The following FBXO44 variants were observed in gnomAD, a reference collection of about 807,000 sequenced individuals.
The protein encoded by FBXO44 is F-box only protein 44.
FBXO44 carries 25 observed loss-of-function variants against 33.5 expected under a neutral mutation model. The observed-to-expected ratio is 0.75, with a 90% CI of 0.54 to 1.04. The LOEUF (loss-of-function observed/expected upper bound fraction) is 1.04, where lower values mean the gene tolerates loss of function less well. Among genes scored for constraint, FBXO44 ranks in the 50% least tolerant of loss-of-function variants. FBXO44 has a pLI of 0.00. For missense variants in FBXO44, 311 were observed against 344.0 expected (o/e 0.90, Z 0.76); for synonymous variants, 147 against 152.8 (o/e 0.96, Z 0.28).
Position 11,658,124 on chromosome 1 carries a change from G to A in FBXO44, c.266-143G>A, listed in dbSNP as rs184754452. 40 of 1,356,378 alleles carry A rather than the reference G, an allele frequency of 2.9e-5. No individual in the cohort carries two copies. In the East Asian group the frequency reaches 5.8e-4, roughly 20 times the overall value. 84.0% of individuals were successfully genotyped at this position (1,356,378 alleles called of 1,614,324 possible). On this transcript the variant is annotated intron_variant, in intron 2 of 5. Transcript: ENST00000251547. ...ACAGGAAGCACCTAATACGCGGTGG[G>A]CACTGTGATCTGCAGCGTCCCACAG...
rs1639739901 is a variant in FBXO44 at position 11,655,800 on chromosome 1, C to G, written c.-30-6C>G. ...GGATGAGGCCTGCAGCATAGCTTTT[C>G]AACAGCTACAGGAGGGTGTCCAGAA... On this transcript the variant is annotated splice_polypyrimidine_tract_variant and splice_region_variant and intron_variant, in intron 1 of 5. Coordinates refer to ENST00000251547, the MANE Select transcript of FBXO44 (RefSeq NM_033182.7). The G allele has an allele frequency of 6.2e-7, 1 of 1,605,528 alleles. No homozygotes were observed. Among genetic ancestry groups the G allele is most frequent in the South Asian group, 1.1e-5 (1 of 90,938 alleles).
intron 2 of FBXO44, among the ~76,000 whole-genome samples, chr1:11,657,783 A>C (rs1374222777): frequency 6.6e-6 from 1 of 152,184 alleles, no homozygotes; most frequent in Non-Finnish European, 1.5e-5. Flanking sequence ...TTAAGGGGTT[A>C]TAGGAAAAGA....
chr1:11,654,513 C>G, upstream of FBXO44: 1 of 513,578 alleles, frequency 1.9e-6, no homozygotes, highest in East Asian at 3.7e-5. Flanking sequence ...CCGGCCGCCC[C>G]GCAGTCCCAG....
chr1:11,655,071 A>G (rs994944407), intron 1 of FBXO44, 119 bp downstream of exon 1: 2 of 151,338 alleles, frequency 1.3e-5, no homozygotes, highest in African/African-American at 4.9e-5. Context: ...CCTGGCACCG[A>G]CCAGGCCCAG....
In FBXO44 at chr1:11,655,746, A is replaced by G. The variant is rs1156586310; in HGVS notation, c.-30-60A>G. The G allele has an allele frequency of 2.0e-6, 3 of 1,526,436 alleles. No individual in the cohort carries two copies. In the African/African-American group the frequency reaches 4.1e-5, roughly 21 times the overall value. The allele number at this position is 1,526,436 out of a possible 1,614,324, so 94.6% of individuals were successfully genotyped here. A position where few individuals can be genotyped will look rare whatever the true frequency, so the allele number is the denominator to read the frequency against. ...AAGGAAACAGGCTGGGAGAGGCACC[A>G]TGCTCTCCCGAGATAAATGGCAGAG... is the stretch of plus-strand genomic sequence containing the variant. On this transcript the variant is annotated intron_variant, in intron 1 of 5. Coordinates refer to ENST00000251547, the MANE Select transcript of FBXO44 (RefSeq NM_033182.7).
chr1:11,655,815 G>C lies in FBXO44; in HGVS notation c.-21G>C. On this transcript the variant is annotated 5_prime_UTR_variant, in exon 2 of 6. Coordinates refer to ENST00000251547, the MANE Select transcript of FBXO44 (RefSeq NM_033182.7). ...CATAGCTTTTCAACAGCTACAGGAG[G>C]GTGTCCAGAAGCCACAAGCCATGGC... The C allele has an allele frequency of 1.2e-6, 2 of 1,610,768 alleles. No individual in the cohort carries two copies. Among genetic ancestry groups the C allele is most frequent in the Middle Eastern group, 1.7e-4 (1 of 6,048 alleles).
intron 5 of FBXO44, 94 bp downstream of exon 5, chr1:11,658,965 T>G (rs1640012465): frequency 6.8e-7 from 1 of 1,477,904 alleles, no homozygotes; most frequent in Non-Finnish European, 9.2e-7. Flanking sequence ...GCTCTGCACC[T>G]TCTCACCTGT....
Position 11,658,360 on chromosome 1 carries a change from A to C in FBXO44, c.359A>C (p.Asp120Ala). The change falls in exon 3 of 6, where the codon GAC becomes GCC. Residue 120 changes from aspartate (D) to alanine (A), a missense_variant. Coordinates refer to ENST00000251547, the MANE Select transcript of FBXO44 (RefSeq NM_033182.7). Reference protein sequence around the residue: ...SRDQRKEFPNDQVKKYFVTSY... With the variant: ...SRDQRKEFPNAQVKKYFVTSY... ...GACCAGAGGAAGGAATTCCCCAATG[A>C]CCAGGTCAAGAAATACTTCGTTACT... The C allele has an allele frequency of 6.2e-7, 1 of 1,613,716 alleles. No homozygotes were observed. The highest frequency in any genetic ancestry group is 8.5e-7 in the Non-Finnish European group (1 of 1,179,906).
chr1:11,662,426 C>G lies in FBXO44; in HGVS notation c.*1153C>G, dbSNP rs1266248155. The G allele has an allele frequency of 1.3e-5, 2 of 152,248 alleles. No homozygotes were observed. The highest frequency in any genetic ancestry group is 2.9e-5 in the Non-Finnish European group (2 of 68,084). The allele number at this position is 152,248 out of a possible 1,614,324, so 9.4% of individuals were successfully genotyped here. On this transcript the variant is annotated 3_prime_UTR_variant, in exon 6 of 6. Transcript: ENST00000251547. Reference sequence around the variant, plus strand: ...TTCAGGAACCAGGCCATCACAGAAACAGGTTCATGGGCAGACCCCTCAGTG... The same window carrying G: ...TTCAGGAACCAGGCCATCACAGAAAGAGGTTCATGGGCAGACCCCTCAGTG...
intron 1 of FBXO44, 197 bp from the exon 2 acceptor site, chr1:11,655,609 T>G (rs1472227244): frequency 3.3e-6 from 2 of 600,054 alleles, no homozygotes; most frequent in East Asian, 5.6e-5. Context: ...ACCTCTATTG[T>G]GAGAGGCCAG....
In FBXO44 at chr1:11,661,530, G is replaced by A; in HGVS notation, c.*257G>A. 2.0e-6 allele frequency: 1 copy of A among 500,126 alleles called. No individual in the cohort carries two copies. The highest frequency in any genetic ancestry group is 3.5e-6 in the Non-Finnish European group (1 of 283,824). 31.0% of individuals were successfully genotyped at this position (500,126 alleles called of 1,614,324 possible). A position where few individuals can be genotyped will look rare whatever the true frequency, so the allele number is the denominator to read the frequency against. ...TGCCCCTTTCAGAGACGGAGCACCT[G>A]AGATGTGGGAGGTGCAGCATGTTCC... On this transcript the variant is annotated 3_prime_UTR_variant, in exon 6 of 6. Transcript: ENST00000251547. This position sits in a 1 kb window ranked among gnomAD's most constrained non-coding sequence, Gnocchi z 4.4.
At position 11,663,075 on chromosome 1, in the gene FBXO44, G is replaced by C. The variant is rs893801249; in HGVS notation, c.*1802G>C. 4.6e-5 allele frequency: 7 copies of C among 150,598 alleles called. No individual in the cohort carries two copies. In the Admixed American group the frequency reaches 4.7e-4, roughly 10 times the overall value. The allele number at this position is 150,598 out of a possible 1,614,324, so 9.3% of individuals were successfully genotyped here. ...AGGTTCGCGCCATTCACCTGCCTCA[G>C]CCTCTGGAGTAGCTGAGACTACAGG... On this transcript the variant is annotated 3_prime_UTR_variant, in exon 6 of 6. Transcript: ENST00000251547.
chr1:11,659,379 A>C (rs1640038040), intron 5 of FBXO44, among the ~76,000 whole-genome samples: 1 of 142,384 alleles, frequency 7.0e-6, no homozygotes, highest in Non-Finnish European at 1.5e-5. Context: ...ACTCCATCTC[A>C]ACAAAAAAAG....
intron 1 of FBXO44, 152 bp from the exon 2 acceptor site, chr1:11,655,654 C>A: frequency 1.5e-6 from 1 of 689,280 alleles, no homozygotes; most frequent in Non-Finnish European, 2.4e-6. Flanking sequence ...TATTAAAGTA[C>A]CTGATGTGTC....
upstream of FBXO44, chr1:11,654,429 T>G: frequency 7.9e-7 from 1 of 1,263,556 alleles, no homozygotes; most frequent in East Asian, 3.2e-5. Flanking sequence ...TGTCCGCGTC[T>G]GTGTCGGTCC....
chr1:11,656,082 CACA>C lies in FBXO44; in HGVS notation c.250_252del (p.Asn84del). ...ACGGAGCCTGCACAGGAACCTCCTG[CACA>C]ACCCGTGCGCTGAAGGTGGGGTACA... On this transcript the variant is annotated inframe_deletion, in exon 2 of 6. Coordinates refer to ENST00000251547, the MANE Select transcript of FBXO44 (RefSeq NM_033182.7). 6.2e-7 allele frequency: 1 copy of C among 1,613,994 alleles called. No homozygotes were observed.
intron 2 of FBXO44, among the ~76,000 whole-genome samples, chr1:11,657,714 C>G (rs1174940121): frequency 6.6e-6 from 1 of 151,944 alleles, no homozygotes; most frequent in African/African-American, 2.4e-5. Context: ...GCACTCCAGC[C>G]TGGGTGACGA....
In FBXO44 at chr1:11,656,050, ACTT is replaced by A. The variant is rs1235391885; in HGVS notation, c.219_221del (p.Phe73del). The A allele has an allele frequency of 1.9e-6, 3 of 1,614,004 alleles. No homozygotes were observed. Among genetic ancestry groups the A allele is most frequent in the African/African-American group, 1.3e-5 (1 of 74,918 alleles). Reference sequence around the variant, plus strand: ...CCCGTGGCCGACTGGAAGATCTTCTACTTCTTACGGAGCCTGCACAGGAACCTC... The same window carrying A: ...CCCGTGGCCGACTGGAAGATCTTCTACTTACGGAGCCTGCACAGGAACCTC... On this transcript the variant is annotated inframe_deletion, in exon 2 of 6. Coordinates refer to ENST00000251547, the MANE Select transcript of FBXO44 (RefSeq NM_033182.7).
upstream of FBXO44, chr1:11,654,455 T>C (rs2100594022): frequency 1.8e-6 from 2 of 1,132,378 alleles, no homozygotes; most frequent in East Asian, 3.3e-5. Flanking sequence ...ACCGCGCCTC[T>C]TAAAGGCCCC....
Sources: gnomAD v4.1 joint callset for allele counts (sites outside exome capture counted in the v4.1 genomes callset) on GRCh38, gnomAD v4.1.1 for gene constraint, Gnocchi (gnomAD v3.1) non-coding constraint, MANE v1.5 for transcripts, NCBI Gene and HGNC (gene_info 2026-07-23, HGNC 2026-07-21) for gene names.